Variants in KIAA0825 observed in about 807,000 individuals in gnomAD.
The protein encoded by KIAA0825 is KIAA0825.
Under a neutral mutation model 147.6 loss-of-function variants are expected in KIAA0825, and 119 were observed. That is an observed-to-expected ratio of 0.81 (90% CI 0.69 to 0.94). The LOEUF (loss-of-function observed/expected upper bound fraction) is 0.94, where lower values mean the gene tolerates loss of function less well. KIAA0825 is among the 40% of genes least tolerant of loss of function. The pLI is 0.00. For missense variants in KIAA0825, 1,381 were observed against 1,472.7 expected (o/e 0.94, Z 1.02); for synonymous variants, 470 against 518.1 (o/e 0.91, Z 1.26).
At chr5:94,467,551 A>G (rs532276217) in intron 10 of KIAA0825, among the ~76,000 whole-genome samples, 41 of 152,334 alleles carry the variant, frequency 2.7e-4, no homozygotes, top group African/African-American at 9.1e-4. Flanking sequence ...CTGAACACCC[A>G]CTGTGCCATC....
rs555630330 is a variant in KIAA0825, at chr5:94,502,836, C to T, written c.970+17412G>A. Among the ~76,000 whole-genome samples, 38 of 152,014 alleles carry T rather than the reference C, an allele frequency of 2.5e-4. No individual in the cohort carries two copies. In the South Asian group the frequency reaches 7.3e-3, roughly 29 times the overall value. On this transcript the variant is annotated intron_variant, in intron 5 of 20. Transcript: ENST00000682413. ...TGTAAAATATATAATTAGCTGGGCACGGTGGCTCACGCCTACAATCCCAGC... is the reference window on the plus strand; with the variant it reads ...TGTAAAATATATAATTAGCTGGGCATGGTGGCTCACGCCTACAATCCCAGC...
intron 5 of KIAA0825, among the ~76,000 whole-genome samples, chr5:94,515,890 A>T (rs1767161073): frequency 6.6e-6 from 1 of 152,130 alleles, no homozygotes; most frequent in African/African-American, 2.4e-5. Flanking sequence ...AAACTTTGTA[A>T]GAGTATCTGT....
At chr5:94,257,686 A>C (rs974356039) in intron 20 of KIAA0825, among the ~76,000 whole-genome samples, 2 of 152,120 alleles carry the variant, frequency 1.3e-5, no homozygotes, top group African/African-American at 4.8e-5. Flanking sequence ...CTGAGAATCT[A>C]TAGTGTAACA....
At chr5:94,442,524 T>C (rs1327944595) in intron 13 of KIAA0825, among the ~76,000 whole-genome samples, 1 of 152,148 alleles carries the variant, frequency 6.6e-6, no homozygotes, top group Non-Finnish European at 1.5e-5. Context: ...GCTTTTGCAG[T>C]AGTTCCAAAT....
chr5:94,203,245 G>T (rs1046386094), intron 20 of KIAA0825, among the ~76,000 whole-genome samples: 2 of 152,144 alleles, frequency 1.3e-5, no homozygotes, highest in East Asian at 3.9e-4. Flanking sequence ...TTTCTCTCAG[G>T]TGTAGTAACC....
chr5:94,396,940 C>G (rs547074465), intron 16 of KIAA0825, among the ~76,000 whole-genome samples: 2 of 151,984 alleles, frequency 1.3e-5, no homozygotes, highest in African/African-American at 4.8e-5. Context: ...TCTCTCCTTT[C>G]AGTTCTCAAC....
At chr5:94,394,681 C>A (rs539670631) in intron 17 of KIAA0825, among the ~76,000 whole-genome samples, 3 of 152,272 alleles carry the variant, frequency 2.0e-5, no homozygotes, top group East Asian at 3.9e-4. Context: ...ATCAGATATA[C>A]TATTTTTACT....
intron 20 of KIAA0825, among the ~76,000 whole-genome samples, chr5:94,194,857 T>C (rs1324663309): frequency 6.6e-6 from 1 of 152,234 alleles, no homozygotes; most frequent in African/African-American, 2.4e-5. Flanking sequence ...CACTTCTGTC[T>C]TGTATTTTTT....
At chr5:94,421,171 A>T (rs2150733807) in intron 14 of KIAA0825, among the ~76,000 whole-genome samples, 1 of 152,300 alleles carries the variant, frequency 6.6e-6, no homozygotes, top group Non-Finnish European at 1.5e-5. Context: ...TTAACTACTC[A>T]ACTCTTCTCT....
chr5:94,317,608 A>G (rs1779774665), intron 20 of KIAA0825, among the ~76,000 whole-genome samples: 1 of 151,874 alleles, frequency 6.6e-6, no homozygotes, highest in Admixed American at 6.6e-5. Context: ...TAGATTTGGA[A>G]TCAGAATGAC....
At chr5:94,583,890 A>C (rs192554366) in intron 1 of KIAA0825, among the ~76,000 whole-genome samples, 1 of 152,316 alleles carries the variant, frequency 6.6e-6, no homozygotes, top group East Asian at 1.9e-4. Flanking sequence ...ACAGGCGAAC[A>C]GGATCTGGAG....
chr5:94,335,187 A>G (rs1267495071), intron 20 of KIAA0825, among the ~76,000 whole-genome samples: 1 of 152,212 alleles, frequency 6.6e-6, no homozygotes, highest in Non-Finnish European at 1.5e-5. Flanking sequence ...AGAATTAGTC[A>G]TCAAGTTTCT....
intron 19 of KIAA0825, 129 bp from the exon 20 acceptor site, chr5:94,384,587 G>A (rs1584331399): frequency 1.6e-6 from 1 of 635,612 alleles, no homozygotes; most frequent in Admixed American, 2.8e-5. Context: ...GACTTAGACA[G>A]ATAACATCAA....
intron 1 of KIAA0825, among the ~76,000 whole-genome samples, chr5:94,586,793 A>G (rs1783382141): frequency 6.6e-6 from 1 of 152,246 alleles, no homozygotes; most frequent in African/African-American, 2.4e-5. Context: ...AAAATCCTCA[A>G]TAAAAAACTG....
intron 20 of KIAA0825, among the ~76,000 whole-genome samples, chr5:94,157,921 G>A (rs1475875372): frequency 6.6e-6 from 1 of 152,180 alleles, no homozygotes; most frequent in Non-Finnish European, 1.5e-5. Context: ...TGGGTGGCCT[G>A]TACTGCAGGA....
chr5:94,433,996 A>T (rs374772650), intron 14 of KIAA0825, among the ~76,000 whole-genome samples: 5 of 152,196 alleles, frequency 3.3e-5, no homozygotes, highest in African/African-American at 1.2e-4. Context: ...GGCCTCAGCA[A>T]GATAATTACC....
intron 1 of KIAA0825, among the ~76,000 whole-genome samples, chr5:94,599,317 A>T (rs1195445298): frequency 7.2e-6 from 1 of 138,876 alleles, no homozygotes; most frequent in East Asian, 2.0e-4. Context: ...CTATTTTAAA[A>T]TCTGATTATT....
intron 20 of KIAA0825, among the ~76,000 whole-genome samples, chr5:94,243,905 G>A (rs942152305): frequency 2.0e-5 from 3 of 152,036 alleles, no homozygotes; most frequent in African/African-American, 7.2e-5. Flanking sequence ...ATTATAAATC[G>A]TCTTGCAGTG....
chr5:94,164,521 C>T (rs1767861802), intron 20 of KIAA0825, among the ~76,000 whole-genome samples: 3 of 151,964 alleles, frequency 2.0e-5, no homozygotes, highest in South Asian at 2.1e-4. Context: ...AAGTGATTCT[C>T]CTGCCTTAGT....
Sources: gnomAD v4.1 joint callset for allele counts (sites outside exome capture counted in the v4.1 genomes callset) on GRCh38, gnomAD v4.1.1 for gene constraint, MANE v1.5 for transcripts, NCBI Gene and HGNC (gene_info 2026-07-23, HGNC 2026-07-21) for gene names.